The following PDK1 variants were observed in gnomAD, a reference collection of about 807,000 sequenced individuals.
PDK1 encodes pyruvate dehydrogenase kinase 1.
PDK1 carries 39 observed loss-of-function variants against 54.2 expected under a neutral mutation model. The ratio of observed to expected loss-of-function variants is 0.72; its 90% CI spans 0.56 to 0.94. PDK1 has a LOEUF of 0.94. Ranked by LOEUF, PDK1 falls within the 40% of genes least tolerant of loss-of-function variation. PDK1 has a pLI of 0.00. For synonymous variants in PDK1, 221 were observed against 207.1 expected, an observed-to-expected ratio of 1.07 and a Z score of -0.58; for missense variants, 552 against 566.0, an observed-to-expected ratio of 0.98 and a Z score of 0.25.
the PDK1 span, among the ~76,000 whole-genome samples, chr2:172,649,863 T>A: frequency 6.6e-6 from 1 of 152,178 alleles, no homozygotes; most frequent in Admixed American, 6.5e-5. Context: ...TACGTCCGAT[T>A]GGTGTACCTG....
In PDK1 at chr2:172,592,943, T is replaced by C. The variant is rs766111604; in HGVS notation, c.1065T>C (p.Phe355=). Residue 355 remains phenylalanine (F), a synonymous_variant, in exon 10 of 11, where the codon TTT becomes TTC. Coordinates refer to ENST00000282077, the MANE Select transcript of PDK1 (RefSeq NM_002610.5). Reference sequence around the variant, plus strand: ...TTTTTCTCATCAAACAGGCTGGTTTTGGTTATGGATTGCCCATATCACGTC... The same window carrying C: ...TTTTTCTCATCAAACAGGCTGGTTTCGGTTATGGATTGCCCATATCACGTC... ...ETSRAVPLAG[F]GYGLPISRLY... 6.9e-6 allele frequency: 11 copies of C among 1,604,178 alleles called. No individual in the cohort carries two copies. The highest frequency in any genetic ancestry group is 9.4e-6 in the Non-Finnish European group (11 of 1,171,660).
At chr2:172,706,557 C>T in the PDK1 span, among the ~76,000 whole-genome samples, 1 of 151,986 alleles carries the variant, frequency 6.6e-6, no homozygotes, top group Non-Finnish European at 1.5e-5. Context: ...TGCAGAGTAG[C>T]TGGGACCATG....
At chr2:172,668,379 AC>A in the PDK1 span, among the ~76,000 whole-genome samples, 1 of 152,032 alleles carries the variant, frequency 6.6e-6, no homozygotes, top group Non-Finnish European at 1.5e-5. Flanking sequence ...ACTTCCTAGA[AC>A]AAAAAACCCC....
rs201626926 is a variant in PDK1, at chr2:172,558,847, C to T, written c.336C>T (p.Ser112=). The change falls in exon 2 of 11, where the codon AGC becomes AGT. Residue 112 remains serine, a splice_region_variant and synonymous_variant. Transcript: ENST00000282077. ...LRTPSVQLVQ[S]WYIQSLQELL... ...CACCATCCGTTCAATTGGTACAAAG[C>T]TGGTAAGATTCTCATCTTGTGTTTG... is the stretch of plus-strand genomic sequence containing the variant. The T allele has an allele frequency of 3.7e-6, 6 of 1,609,194 alleles. No homozygotes were observed. In the South Asian group the frequency reaches 6.7e-5, roughly 18 times the overall value.
At chr2:172,573,472 A>ATG (rs1253812240) in intron 8 of PDK1, among the ~76,000 whole-genome samples, 1 of 151,558 alleles carries the variant, frequency 6.6e-6, no homozygotes, top group Non-Finnish European at 1.5e-5. Context: ...TCTCATGTAT[A>ATG]TGTGTATATA....
At chr2:172,593,824 C>T (rs1032973498) in intron 10 of PDK1, among the ~76,000 whole-genome samples, 4 of 151,956 alleles carry the variant, frequency 2.6e-5, no homozygotes, top group African/African-American at 4.8e-5. Flanking sequence ...TCCATCATTC[C>T]CCTTCTTCGG....
chr2:172,584,917 G>A (rs900342195), intron 8 of PDK1, among the ~76,000 whole-genome samples: 5 of 147,434 alleles, frequency 3.4e-5, no homozygotes, highest in African/African-American at 1.0e-4. Flanking sequence ...TGATCCCCCT[G>A]TTATGGCCTC....
At chr2:172,666,402 G>A in the PDK1 span, among the ~76,000 whole-genome samples, 1 of 152,162 alleles carries the variant, frequency 6.6e-6, no homozygotes, top group Non-Finnish European at 1.5e-5. Context: ...TCTCAGCAAG[G>A]CAATTTTACT....
At chr2:172,565,149 C>G in intron 5 of PDK1, 76 bp downstream of exon 5, 1 of 848,852 alleles carries the variant, frequency 1.2e-6, no homozygotes, top group South Asian at 1.5e-5. Flanking sequence ...ATTAAAACAT[C>G]TATTTGTATC....
At position 172,570,778 on chromosome 2, in the gene PDK1, C is replaced by G. The variant is rs2149230762; in HGVS notation, c.899C>G (p.Pro300Arg). 1 of 1,612,118 alleles carries G rather than the reference C, an allele frequency of 6.2e-7. No individual in the cohort carries two copies. Among genetic ancestry groups the G allele is most frequent in the Non-Finnish European group, 8.5e-7 (1 of 1,178,386 alleles). ...EHHANRGVYP[P>R]IQVHVTLGNE... ...CATGCCAACAGAGGTGTTTACCCCCCTATTCAAGTTCATGTCACGCTGGGT... is the reference window on the plus strand; with the variant it reads ...CATGCCAACAGAGGTGTTTACCCCCGTATTCAAGTTCATGTCACGCTGGGT... Residue 300 changes from proline (P) to arginine (R), a missense_variant, in exon 8 of 11, where the codon CCT (proline) becomes CGT (arginine). By Grantham distance (103) the Pro-to-Arg change is moderately radical. Coordinates refer to ENST00000282077, the MANE Select transcript of PDK1 (RefSeq NM_002610.5).
the PDK1 span, among the ~76,000 whole-genome samples, chr2:172,669,172 G>A: frequency 6.9e-6 from 1 of 145,616 alleles, no homozygotes; most frequent in South Asian, 2.1e-4. Flanking sequence ...CCATTCTCCT[G>A]CCTCAGCCTC....
intron 8 of PDK1, among the ~76,000 whole-genome samples, chr2:172,574,683 A>T (rs1689480899): frequency 6.6e-6 from 1 of 152,104 alleles, no homozygotes; most frequent in Admixed American, 6.5e-5. Context: ...TTTTGATGCT[A>T]TTGTAATGGA....
the PDK1 span, among the ~76,000 whole-genome samples, chr2:172,712,446 G>A: frequency 6.6e-6 from 1 of 152,194 alleles, no homozygotes; most frequent in Non-Finnish European, 1.5e-5. Flanking sequence ...TGGCTGCCAA[G>A]GGCAAGCTAG....
At chr2:172,608,967 A>G (rs1433167659), downstream of PDK1, among the ~76,000 whole-genome samples, 2 of 152,194 alleles carry the variant, frequency 1.3e-5, no homozygotes, top group Non-Finnish European at 2.9e-5. Flanking sequence ...CTGAATTTCT[A>G]TAATGGAAAA....
chr2:172,668,761 A>T, the PDK1 span, among the ~76,000 whole-genome samples: 3 of 146,566 alleles, frequency 2.0e-5, no homozygotes, highest in African/African-American at 5.0e-5. Flanking sequence ...ATATATATAT[A>T]TTTTCTATAT....
chr2:172,639,489 A>G, the PDK1 span, among the ~76,000 whole-genome samples: 2 of 152,196 alleles, frequency 1.3e-5, no homozygotes, highest in African/African-American at 4.8e-5. Flanking sequence ...GACTTCCCTA[A>G]TTGGAGACAA....
At chr2:172,639,532 C>G in the PDK1 span, among the ~76,000 whole-genome samples, 3 of 152,150 alleles carry the variant, frequency 2.0e-5, no homozygotes, top group African/African-American at 7.2e-5. Context: ...ATTAAAAGCA[C>G]CTAACATAAA....
At chr2:172,700,507 C>T in the PDK1 span, among the ~76,000 whole-genome samples, 1 of 146,972 alleles carries the variant, frequency 6.8e-6, no homozygotes, top group South Asian at 2.2e-4. Context: ...AGAGGTGCTC[C>T]TCACTTCCCA....
chr2:172,590,697 C>T (rs534421943), intron 9 of PDK1, among the ~76,000 whole-genome samples: 5 of 152,160 alleles, frequency 3.3e-5, no homozygotes, highest in South Asian at 2.1e-4. Flanking sequence ...GAAGGGGACC[C>T]GAGCGGGTTG....
Sources: allele counts gnomAD v4.1 joint callset (sites outside exome capture counted in the v4.1 genomes callset), GRCh38; gene constraint gnomAD v4.1.1; transcripts MANE v1.5; gene names NCBI Gene and HGNC (gene_info 2026-07-23, HGNC 2026-07-21).